Variants in RYR3 observed in about 807,000 individuals in gnomAD.
RYR3 encodes the protein ryanodine receptor 3, also known as brain ryanodine receptor-calcium release channel.
A neutral mutation model predicts 584.3 loss-of-function variants in RYR3; 207 were observed. That is an observed-to-expected ratio of 0.35 (90% CI 0.32 to 0.40). RYR3 has a LOEUF of 0.40. RYR3 is among the 10% of genes least tolerant of loss of function. The pLI is 1.00. For missense variants in RYR3, 5,616 were observed against 6,089.2 expected (o/e 0.92, Z 2.59); for synonymous variants, 2,416 against 2,248.5 (o/e 1.07, Z -2.11).
chr15:33,772,081 C>G lies in RYR3; in HGVS notation c.8978C>G (p.Thr2993Ser), dbSNP rs1391920382. The G allele has an allele frequency of 6.2e-7, 1 of 1,613,844 alleles. No individual in the cohort carries two copies. The part of the protein sequence containing the change: ...IKGVSQNINY[T>S]TVALLPILTS... ...GGCGTTTCTCAGAATATTAACTACA[C>G]TACAGTGGCTCTGCTCCCCATCCTG... Residue 2993 changes from threonine (T) to serine (S), a missense_variant, in exon 63 of 104, where the codon ACT becomes AGT. Transcript: ENST00000634891.
chr15:33,602,602 C>T (rs146925810), intron 17 of RYR3, among the ~76,000 whole-genome samples: 3 of 152,248 alleles, frequency 2.0e-5, no homozygotes, highest in African/African-American at 7.2e-5. Flanking sequence ...ATGGTTGGCA[C>T]TCAGTAAACG....
intron 35 of RYR3, among the ~76,000 whole-genome samples, 156 bp from the exon 36 acceptor site, chr15:33,663,381 C>T (rs906031765): frequency 6.6e-6 from 1 of 152,128 alleles, no homozygotes; most frequent in Non-Finnish European, 1.5e-5. Flanking sequence ...TCTGTTATTG[C>T]CTTCGACTTA....
At chr15:33,433,600 T>C (rs1245799800) in intron 1 of RYR3, among the ~76,000 whole-genome samples, 1 of 152,168 alleles carries the variant, frequency 6.6e-6, no homozygotes, top group Non-Finnish European at 1.5e-5. Context: ...AAGTAGCTGA[T>C]TTATATATTG....
Position 33,842,018 on chromosome 15 carries a change from T to C in RYR3, c.13192T>C (p.Tyr4398His). Residue 4398 changes from tyrosine (Y) to histidine (H), a missense_variant, in exon 91 of 104, where the codon TAT becomes CAT. By Grantham distance (83) the Tyr-to-His change is moderately conservative. Transcript: ENST00000634891. ...CAATTTCTTTAAAGGGCTGGAAATC[T>C]ATCAGACCAAGTTACTGGTAAGCAT... ...TANFFKGLEI[Y>H]QTKLLHYLAR... The C allele has an allele frequency of 6.2e-7, 1 of 1,601,370 alleles. No homozygotes were observed. The highest frequency in any genetic ancestry group is 8.5e-7 in the Non-Finnish European group (1 of 1,173,820).
intron 2 of RYR3, among the ~76,000 whole-genome samples, chr15:33,489,579 G>A (rs1479779531): frequency 7.0e-6 from 1 of 142,746 alleles, no homozygotes; most frequent in African/African-American, 2.7e-5. Context: ...TGGTGTATGA[G>A]TACCACATTT....
intron 1 of RYR3, among the ~76,000 whole-genome samples, chr15:33,413,794 T>C (rs1274238550): frequency 2.0e-5 from 3 of 152,390 alleles, no homozygotes; most frequent in South Asian, 2.1e-4. Context: ...AGTTTACCTG[T>C]CTTTTTCCCC....
chr15:33,685,988 C>G (rs1469872991), intron 38 of RYR3, among the ~76,000 whole-genome samples: 2 of 152,078 alleles, frequency 1.3e-5, no homozygotes, highest in Non-Finnish European at 2.9e-5. Flanking sequence ...CAAGAGAAAG[C>G]AGGAAAGATC....
Position 33,848,294 on chromosome 15 carries a change from C to G in RYR3, c.13501C>G (p.Pro4501Ala). The G allele has an allele frequency of 6.2e-7, 1 of 1,613,556 alleles. No homozygotes were observed. The highest frequency in any genetic ancestry group is 8.5e-7 in the Non-Finnish European group (1 of 1,179,882). Residue 4501 changes from proline (P) to alanine (A), a missense_variant, in exon 94 of 104, where the codon CCT (proline) becomes GCT (alanine). Pro to Ala is a conservative substitution (Grantham distance 27, BLOSUM62 -1). This residue lies in a region of RYR3 where 918 missense variants were observed against 887.4 expected (regional missense o/e 1.03). Coordinates refer to ENST00000634891, the MANE Select transcript of RYR3 (RefSeq NM_001036.6). ...CVVGYYCLKVPLVVFKREKEI... is the reference protein window; with the variant it reads ...CVVGYYCLKVALVVFKREKEI... ...ACCATCCTCCTCCCACTCCTAGGTG[C>G]CTTTGGTGGTTTTCAAAAGGGAAAA... is the stretch of plus-strand genomic sequence containing the variant.
chr15:33,770,479 C>T (rs772331167), intron 62 of RYR3, among the ~76,000 whole-genome samples: 174 of 152,296 alleles, frequency 1.1e-3, no homozygotes, highest in Middle Eastern at 3.4e-3. Flanking sequence ...GGGCCAGATG[C>T]AGTGGCTCAC....
At chr15:33,706,832 C>T (rs2066751366) in intron 42 of RYR3, 87 bp from the exon 43 acceptor site, 1 of 1,338,172 alleles carries the variant, frequency 7.5e-7, no homozygotes, top group South Asian at 1.4e-5. Context: ...TCTACATCCT[C>T]AACCAACACT....
chr15:33,520,528 T>G lies in RYR3; in HGVS notation c.280-10064T>G, dbSNP rs984716123. Among the ~76,000 whole-genome samples, 7 of 151,956 alleles carry G rather than the reference T, an allele frequency of 4.6e-5. No homozygotes were observed. The East Asian group carries it at 9.7e-4, about 21-fold the overall frequency. On this transcript the variant is annotated intron_variant, in intron 3 of 103. Transcript: ENST00000634891. ...AACAAATTTGGCTGACAGGCTCCTT[T>G]TATGCAAAGAATAAATTTGGCAACA...
chr15:33,611,489 G>A (rs929655560), intron 18 of RYR3, among the ~76,000 whole-genome samples: 1 of 151,752 alleles, frequency 6.6e-6, no homozygotes, highest in African/African-American at 2.4e-5. Context: ...CCAGGAGGTG[G>A]AGCTTGCATT....
At chr15:33,823,190 C>T in intron 81 of RYR3, 118 bp downstream of exon 81, 4 of 750,378 alleles carry the variant, frequency 5.3e-6, no homozygotes, top group Non-Finnish European at 8.6e-6. Flanking sequence ...AGAGGAAGCA[C>T]CTACTTAGAA....
At chr15:33,686,170 T>C (rs1361095668) in intron 38 of RYR3, among the ~76,000 whole-genome samples, 1 of 152,106 alleles carries the variant, frequency 6.6e-6, no homozygotes, top group Non-Finnish European at 1.5e-5. Flanking sequence ...TTTGAAAAGA[T>C]AGACCGCTAG....
chr15:33,738,669 T>G (rs1169287211), intron 50 of RYR3, 79 bp downstream of exon 50: 1 of 1,506,562 alleles, frequency 6.6e-7, no homozygotes, highest in Non-Finnish European at 9.1e-7. Context: ...CGTCATCTGT[T>G]TAGCATTCCA....
intron 3 of RYR3, among the ~76,000 whole-genome samples, chr15:33,515,095 A>T (rs2053396045): frequency 6.6e-6 from 1 of 152,220 alleles, no homozygotes; most frequent in Admixed American, 6.5e-5. Flanking sequence ...TAATACATTC[A>T]TGTAATTTAT....
At chr15:33,631,968 C>T (rs893515651) in intron 23 of RYR3, among the ~76,000 whole-genome samples, 4 of 152,346 alleles carry the variant, frequency 2.6e-5, no homozygotes, top group African/African-American at 7.2e-5. Flanking sequence ...CTCACACACG[C>T]AACTCCTAGT....
intron 1 of RYR3, among the ~76,000 whole-genome samples, chr15:33,322,532 G>A (rs1165180219): frequency 2.6e-5 from 4 of 151,940 alleles, no homozygotes; most frequent in Non-Finnish European, 5.9e-5. Flanking sequence ...GATTTGGTGG[G>A]GACATATAAT....
chr15:33,653,691 A>T (rs909973085), intron 32 of RYR3, among the ~76,000 whole-genome samples: 1 of 151,972 alleles, frequency 6.6e-6, no homozygotes, highest in Non-Finnish European at 1.5e-5. Context: ...AAATACATTT[A>T]TATAAACAAT....
Sources: allele counts gnomAD v4.1 joint callset (sites outside exome capture counted in the v4.1 genomes callset), GRCh38; gene constraint gnomAD v4.1.1; regional missense constraint gnomAD v4.1.1; transcripts MANE v1.5; gene names NCBI Gene and HGNC (gene_info 2026-07-23, HGNC 2026-07-21).